FHIT: variants seen among roughly 807,000 people sequenced by gnomAD.
FHIT encodes bis(5'-adenosyl)-triphosphatase.
Under a neutral mutation model 17.9 loss-of-function variants are expected in FHIT, and 19 were observed. The ratio of observed to expected loss-of-function variants is 1.06; its 90% confidence interval spans 0.74 to 1.56. The LOEUF is 1.56. Ranked by LOEUF, FHIT falls within the 40% of genes most tolerant of loss-of-function variation. FHIT has a pLI of 0.00. For missense variants in FHIT, 248 were observed against 189.2 expected (o/e 1.31, Z -1.82); for synonymous variants, 81 against 69.7 (o/e 1.16, Z -0.81).
In FHIT at chr3:60,151,245, C is replaced by T. The variant is rs551798431; in HGVS notation, c.104-137093G>A. The stretch of plus-strand genomic sequence containing the variant: ...AAAAAAATAGGTTCTAAAGTCAGTA[C>T]ATAAATTATATAATCATGTGATATG... On this transcript the variant is annotated intron_variant, in intron 5 of 9. Transcript: ENST00000492590. Among the ~76,000 whole-genome samples the T allele has an allele frequency of 4.6e-5, 7 of 152,212 alleles. No homozygotes were observed. In the South Asian group the frequency reaches 1.2e-3, roughly 27 times the overall value.
In FHIT at chr3:60,540,568, G is replaced by A. The variant is rs186930771; in HGVS notation, c.-17-3589C>T. Among the ~76,000 whole-genome samples the A allele has an allele frequency of 1.3e-3, 194 of 152,276 alleles. 1 individual carries two copies. Among genetic ancestry groups the A allele is most frequent in the Non-Finnish European group, 2.2e-3 (148 of 68,022 alleles). On this transcript the variant is annotated intron_variant, in intron 4 of 9. Coordinates refer to ENST00000492590, the MANE Select transcript of FHIT (RefSeq NM_002012.4). ...TGGTGTCCGCTGCTTTGTGTGTTGG[G>A]GGGAAAGAAACCCCACACATTTGGT... is the stretch of plus-strand genomic sequence containing the variant.
intron 5 of FHIT, among the ~76,000 whole-genome samples, chr3:60,105,117 C>T (rs1206746442): frequency 2.6e-5 from 4 of 152,082 alleles, no homozygotes; most frequent in African/African-American, 7.2e-5. Flanking sequence ...ATTCTATTTC[C>T]CCTGAACCAA....
At chr3:60,111,200 C>A (rs551889865) in intron 5 of FHIT, among the ~76,000 whole-genome samples, 1 of 152,228 alleles carries the variant, frequency 6.6e-6, no homozygotes, top group South Asian at 2.1e-4. Flanking sequence ...TTTACAAAGA[C>A]TGTGTTCAGA....
chr3:60,771,199 T>C (rs1700028902), intron 4 of FHIT, among the ~76,000 whole-genome samples: 1 of 152,246 alleles, frequency 6.6e-6, no homozygotes, highest in Non-Finnish European at 1.5e-5. Context: ...GCAACATCTT[T>C]GGCTAAGTCA....
intron 8 of FHIT, among the ~76,000 whole-genome samples, chr3:59,816,036 CA>C (rs1211802026): frequency 6.6e-6 from 1 of 152,202 alleles, no homozygotes; most frequent in Non-Finnish European, 1.5e-5. Context: ...CCCACTTGCC[CA>C]CTTGGCATGT....
chr3:60,387,276 C>T (rs1335892143), intron 5 of FHIT, among the ~76,000 whole-genome samples: 2 of 152,068 alleles, frequency 1.3e-5, no homozygotes, highest in African/African-American at 4.8e-5. Flanking sequence ...CAGGTGTGAG[C>T]CACCGTGCCC....
At chr3:60,119,292 C>T (rs1705137246) in intron 5 of FHIT, among the ~76,000 whole-genome samples, 1 of 151,976 alleles carries the variant, frequency 6.6e-6, no homozygotes, top group Non-Finnish European at 1.5e-5. Context: ...AGGCTGGTCT[C>T]GAACTCCTGA....
chr3:60,113,569 TG>T (rs1239780060), intron 5 of FHIT, among the ~76,000 whole-genome samples: 25 of 151,860 alleles, frequency 1.6e-4, no homozygotes, highest in African/African-American at 5.3e-4. Context: ...GGAGGACTAC[TG>T]GTACATGAAG....
intron 5 of FHIT, among the ~76,000 whole-genome samples, chr3:60,315,641 A>G (rs1709132303): frequency 6.6e-6 from 1 of 152,190 alleles, no homozygotes; most frequent in Non-Finnish European, 1.5e-5. Flanking sequence ...GTATGTTTTC[A>G]TTGCTCTGAA....
At chr3:61,015,232 C>T (rs1181808987) in intron 3 of FHIT, among the ~76,000 whole-genome samples, 1 of 151,852 alleles carries the variant, frequency 6.6e-6, no homozygotes, top group Non-Finnish European at 1.5e-5. Context: ...AAAGACTACT[C>T]GGGAAAAAAA....
intron 4 of FHIT, among the ~76,000 whole-genome samples, chr3:60,695,095 T>C (rs148252178): frequency 4.1e-4 from 63 of 152,140 alleles, no homozygotes; most frequent in African/African-American, 1.5e-3. Flanking sequence ...TAAAACACTT[T>C]AGAAATATAT....
intron 7 of FHIT, among the ~76,000 whole-genome samples, chr3:59,947,762 G>T (rs1706887571): frequency 6.6e-6 from 1 of 152,170 alleles, no homozygotes; most frequent in African/African-American, 2.4e-5. Flanking sequence ...TCTGACAGAG[G>T]ATGCTGGCCA....
chr3:60,722,887 G>C (rs982720570), intron 4 of FHIT, among the ~76,000 whole-genome samples: 12 of 151,882 alleles, frequency 7.9e-5, no homozygotes, highest in Admixed American at 2.0e-4. Context: ...CACATCCAGC[G>C]AATTTTTTGT....
chr3:60,914,794 C>T (rs1706920221), intron 3 of FHIT, among the ~76,000 whole-genome samples: 1 of 152,134 alleles, frequency 6.6e-6, no homozygotes, highest in Admixed American at 6.5e-5. Context: ...TTTATTATAC[C>T]TTGTAGAGAG....
chr3:60,692,477 A>G (rs1303004801), intron 4 of FHIT, among the ~76,000 whole-genome samples: 1 of 152,210 alleles, frequency 6.6e-6, no homozygotes, highest in Non-Finnish European at 1.5e-5. Flanking sequence ...TCTCAAAAAC[A>G]GAAGTAGAAT....
At chr3:60,502,961 T>C (rs13100448) in intron 5 of FHIT, among the ~76,000 whole-genome samples, 31,747 of 152,128 alleles carry the variant, frequency 0.21, 4,300 homozygotes, top group African/African-American at 0.37. Context: ...TAATACTTGA[T>C]GGTACTGTAG....
chr3:60,404,036 G>A (rs1429834184), intron 5 of FHIT, among the ~76,000 whole-genome samples: 1 of 152,158 alleles, frequency 6.6e-6, no homozygotes, highest in Non-Finnish European at 1.5e-5. Context: ...CTTGGTTGCT[G>A]TCCACAACCA....
chr3:61,208,281 T>C (rs1412173355), intron 1 of FHIT, among the ~76,000 whole-genome samples: 1 of 152,126 alleles, frequency 6.6e-6, no homozygotes, highest in African/African-American at 2.4e-5. Context: ...CTGAAAAAAA[T>C]GTATATTCTG....
chr3:61,041,830 T>A (rs981418921), intron 3 of FHIT, among the ~76,000 whole-genome samples: 1 of 152,204 alleles, frequency 6.6e-6, no homozygotes, highest in African/African-American at 2.4e-5. Context: ...AAAGTAATTA[T>A]GATAATAATG....
Sources: gnomAD v4.1 joint callset for allele counts (sites outside exome capture counted in the v4.1 genomes callset) on GRCh38, gnomAD v4.1.1 for gene constraint, MANE v1.5 for transcripts, NCBI Gene and HGNC (gene_info 2026-07-23, HGNC 2026-07-21) for gene names.